SLC25A21: variants seen among roughly 807,000 people sequenced by gnomAD.
The protein encoded by SLC25A21 is solute carrier family 25 member 21.
Under a neutral mutation model 43.8 loss-of-function variants are expected in SLC25A21, and 47 were observed. That is an observed-to-expected ratio of 1.07 (90% CI 0.85 to 1.37). The LOEUF is 1.37. Among genes scored for constraint, SLC25A21 ranks in the 40% most tolerant of loss-of-function variants. SLC25A21 has a pLI of 0.00. For missense variants in SLC25A21, 352 were observed against 350.2 expected (o/e 1.00, Z -0.04); for synonymous variants, 131 against 121.3 (o/e 1.08, Z -0.52).
At chr14:36,760,582 G>A (rs1886115442) in intron 3 of SLC25A21, among the ~76,000 whole-genome samples, 1 of 152,144 alleles carries the variant, frequency 6.6e-6, no homozygotes, top group South Asian at 2.1e-4. Flanking sequence ...GCTCCATACT[G>A]GCACTCCCTG....
intron 1 of SLC25A21, among the ~76,000 whole-genome samples, chr14:36,925,104 T>A (rs1892094691): frequency 6.6e-6 from 1 of 152,012 alleles, no homozygotes; most frequent in Non-Finnish European, 1.5e-5. Flanking sequence ...GGAAATGGGG[T>A]AATAAAAGAT....
At chr14:36,848,332 G>T (rs1165705279) in intron 2 of SLC25A21, among the ~76,000 whole-genome samples, 2 of 152,166 alleles carry the variant, frequency 1.3e-5, no homozygotes, top group Non-Finnish European at 2.9e-5. Flanking sequence ...TCTCCATACT[G>T]TCAAGGCTCA....
intron 2 of SLC25A21, among the ~76,000 whole-genome samples, chr14:36,862,584 G>GA (rs1294146971): frequency 1.1e-4 from 17 of 152,052 alleles, no homozygotes; most frequent in Admixed American, 3.3e-4. Flanking sequence ...ACAGGGAGGG[G>GA]AACAACACAC....
chr14:36,935,809 T>C (rs1892408689), intron 1 of SLC25A21, among the ~76,000 whole-genome samples: 1 of 152,162 alleles, frequency 6.6e-6, no homozygotes, highest in Non-Finnish European at 1.5e-5. Flanking sequence ...CACATTCCTT[T>C]CAATCATCCT....
chr14:36,752,099 G>A (rs1449549873), intron 3 of SLC25A21, among the ~76,000 whole-genome samples: 1 of 152,162 alleles, frequency 6.6e-6, no homozygotes, highest in East Asian at 1.9e-4. Context: ...GCCAGGCGAA[G>A]AACAGGCAGA....
intron 6 of SLC25A21, among the ~76,000 whole-genome samples, chr14:36,720,396 T>C (rs1429785978): frequency 2.0e-5 from 3 of 152,174 alleles, no homozygotes; most frequent in African/African-American, 7.2e-5. Flanking sequence ...ACCATGGTGG[T>C]TTATGTCCAA....
At position 36,863,108 on chromosome 14, in the gene SLC25A21, A is replaced by G. The variant is rs186380721; in HGVS notation, c.119+11848T>C. ...TAATTCACTTTCCCGTGACAAAGAT[A>G]AGAAGGCCATTTAAGAATTATTTAC... On this transcript the variant is annotated intron_variant, in intron 2 of 9. Transcript: ENST00000331299. Among the ~76,000 whole-genome samples, 93 of 152,280 alleles carry G rather than the reference A, an allele frequency of 6.1e-4. 1 individual carries two copies. The East Asian group carries it at 0.017, about 28-fold the overall frequency.
chr14:37,154,410 G>A (rs79772389), intron 1 of SLC25A21, among the ~76,000 whole-genome samples: 8 of 152,126 alleles, frequency 5.3e-5, no homozygotes, highest in South Asian at 2.1e-4. Flanking sequence ...ATAGGAAGAC[G>A]TGATTGTTAC....
In SLC25A21 at chr14:36,829,783, G is replaced by A. The variant is rs80296621; in HGVS notation, c.120-15782C>T. 2.8e-3 allele frequency among the ~76,000 whole-genome samples: 428 copies of A among 152,314 alleles called. 8 individuals are homozygous for A. In the East Asian group the frequency reaches 0.066, roughly 23 times the overall value. On this transcript the variant is annotated intron_variant, in intron 2 of 9. Coordinates refer to ENST00000331299, the MANE Select transcript of SLC25A21 (RefSeq NM_030631.4). ...ACCAAGCCCAACCCCTTCAGCAGAG[G>A]CTGAGTGGTGGTGGCTTGCCAAGGA...
At position 36,678,515 on chromosome 14, in the gene SLC25A21, G is replaced by A; in HGVS notation, c.*2143C>T. On this transcript the variant is annotated 3_prime_UTR_variant, in exon 10 of 10. Transcript: ENST00000331299. The stretch of plus-strand genomic sequence containing the variant: ...GAGAAAATAGACTATAAACTGAATG[G>A]AACAAAGATCCAATCCAATATTTTG... 6.5e-7 allele frequency: 1 copy of A among 1,536,828 alleles called. No homozygotes were observed. Among genetic ancestry groups the A allele is most frequent in the Non-Finnish European group, 8.7e-7 (1 of 1,146,704 alleles).
chr14:36,874,342 T>G (rs1890456941), intron 2 of SLC25A21, among the ~76,000 whole-genome samples: 1 of 152,216 alleles, frequency 6.6e-6, no homozygotes, highest in Non-Finnish European at 1.5e-5. Flanking sequence ...GTTCAGTAAT[T>G]CAGCCACAGG....
At chr14:37,056,511 T>A (rs1402229563) in intron 1 of SLC25A21, among the ~76,000 whole-genome samples, 1 of 149,766 alleles carries the variant, frequency 6.7e-6, no homozygotes, top group Non-Finnish European at 1.5e-5. Flanking sequence ...AAAAATTACC[T>A]AGTCTCAGGT....
intron 1 of SLC25A21, among the ~76,000 whole-genome samples, chr14:36,943,151 G>T (rs756584654): frequency 6.6e-6 from 1 of 152,100 alleles, no homozygotes; most frequent in Non-Finnish European, 1.5e-5. Context: ...GCTGAAGAAA[G>T]AATTCTATTA....
chr14:37,157,591 A>G (rs1478770442), intron 1 of SLC25A21, among the ~76,000 whole-genome samples: 1 of 152,202 alleles, frequency 6.6e-6, no homozygotes, highest in Non-Finnish European at 1.5e-5. Context: ...AGCAAAAGCA[A>G]TGCTAAGAGG....
intron 1 of SLC25A21, among the ~76,000 whole-genome samples, chr14:36,970,794 A>G (rs1240003105): frequency 6.6e-6 from 1 of 152,196 alleles, no homozygotes; most frequent in East Asian, 1.9e-4. Flanking sequence ...TTGATCTAAT[A>G]TTTTCATGTA....
intron 3 of SLC25A21, among the ~76,000 whole-genome samples, chr14:36,785,131 T>A (rs1594585522): frequency 6.6e-6 from 1 of 152,140 alleles, no homozygotes; most frequent in East Asian, 1.9e-4. Context: ...CAAAGTACAG[T>A]CAGTCCTCCT....
At chr14:36,954,274 T>G (rs976135932) in intron 1 of SLC25A21, among the ~76,000 whole-genome samples, 4 of 152,020 alleles carry the variant, frequency 2.6e-5, no homozygotes, top group African/African-American at 9.7e-5. Flanking sequence ...CATCAGGACC[T>G]CCCAACTGGC....
intron 3 of SLC25A21, among the ~76,000 whole-genome samples, chr14:36,772,846 A>G (rs555244173): frequency 1.8e-4 from 27 of 152,336 alleles, no homozygotes; most frequent in African/African-American, 6.3e-4. Flanking sequence ...TGGGAATGGT[A>G]ACAATCAATA....
chr14:36,684,945 A>G lies in SLC25A21; in HGVS notation c.604-20T>C, dbSNP rs1882470140. 2 of 1,599,342 alleles carry G rather than the reference A, an allele frequency of 1.3e-6. No individual in the cohort carries two copies. The highest frequency in any genetic ancestry group is 1.7e-6 in the Non-Finnish European group (2 of 1,173,484). On this transcript the variant is annotated intron_variant, in intron 7 of 9. Transcript: ENST00000331299. ...TGGATCCTAAAAGAAAAGAAGAATA[A>G]TATAACAGAAAGGGGAGCGGAAGCC...
Sources: allele counts gnomAD v4.1 joint callset (sites outside exome capture counted in the v4.1 genomes callset), GRCh38; gene constraint gnomAD v4.1.1; transcripts MANE v1.5; gene names NCBI Gene and HGNC (gene_info 2026-07-23, HGNC 2026-07-21).